IRAK3: variants seen among roughly 807,000 people sequenced by gnomAD.
IRAK3 encodes interleukin-1 receptor-associated kinase 3.
In IRAK3, 57 loss-of-function variants were observed where a neutral mutation model predicts 56.6. The observed-to-expected ratio is 1.01, with a 90% CI of 0.81 to 1.26. IRAK3 has a LOEUF of 1.26. IRAK3 is among the 50% of genes most tolerant of loss of function. The pLI is 0.00. For synonymous variants in IRAK3, 258 were observed against 255.7 expected (o/e 1.01, Z -0.09); for missense variants, 703 against 719.0 (o/e 0.98, Z 0.25).
rs1456199677 is a variant in IRAK3, at chr12:66,203,708, C to T, written c.134-3C>T. ...TTCTTTGTTTATATTGCAATTTCCA[C>T]AGCAGAGAGACTTTCAAGCAGCTGG... On this transcript the variant is annotated splice_region_variant and splice_polypyrimidine_tract_variant and intron_variant, in intron 1 of 11. Transcript: ENST00000261233. 1.2e-6 allele frequency: 2 copies of T among 1,613,616 alleles called. No homozygotes were observed. The highest frequency in any genetic ancestry group is 1.7e-5 in the Admixed American group (1 of 59,950).
Position 66,250,938 on chromosome 12 carries a change from C to T in IRAK3, c.*2767C>T, listed in dbSNP as rs1175879370. ...TGATGTGAAGCCCGCTCTTCACATC[C>T]GTGAAAATCGCTGCCTTAAGGTGCT... is the stretch of plus-strand genomic sequence containing the variant. On this transcript the variant is annotated 3_prime_UTR_variant, in exon 12 of 12. Transcript: ENST00000261233. 2.6e-5 allele frequency: 4 copies of T among 152,186 alleles called. No homozygotes were observed. Among genetic ancestry groups the T allele is most frequent in the Non-Finnish European group, 4.4e-5 (3 of 68,036 alleles). The allele number at this position is 152,186 out of a possible 1,614,324, so 9.4% of individuals were successfully genotyped here.
rs776875890 is a variant in IRAK3 at position 66,247,866 on chromosome 12, C to T, written c.1486C>T (p.Leu496=). The stretch of plus-strand genomic sequence containing the variant: ...CAATTTACTACCTTCTGATGAAGGC[C>T]TGAGGATAGACAGAATGACTCAGAA... ...NNNLLPSDEG[L]RIDRMTQKTP... The change falls in exon 12 of 12, where the codon CTG becomes TTG. Residue 496 remains leucine (L), a synonymous_variant. Transcript: ENST00000261233. 6.2e-7 allele frequency: 1 copy of T among 1,614,162 alleles called. No homozygotes were observed. The highest frequency in any genetic ancestry group is 8.5e-7 in the Non-Finnish European group (1 of 1,180,024).
intron 5 of IRAK3, among the ~76,000 whole-genome samples, chr12:66,212,293 C>T (rs993406932): frequency 3.9e-5 from 6 of 152,048 alleles, no homozygotes; most frequent in African/African-American, 1.2e-4. Flanking sequence ...TATCACAACT[C>T]AGAAGGGTGG....
chr12:66,197,435 A>T (rs984879500), intron 1 of IRAK3: 9 of 984,788 alleles, frequency 9.1e-6, no homozygotes, highest in Non-Finnish European at 9.6e-6. Context: ...GCTATTTTAT[A>T]GAATTGGATC....
intron 2 of IRAK3, 90 bp from the exon 3 acceptor site, chr12:66,209,366 A>T: frequency 1.9e-5 from 15 of 770,962 alleles, no homozygotes. Context: ...AACAATGGCT[A>T]GCAAGACATT....
intron 8 of IRAK3, among the ~76,000 whole-genome samples, chr12:66,242,213 C>G (rs910433991): frequency 2.6e-5 from 4 of 152,132 alleles, no homozygotes; most frequent in Non-Finnish European, 5.9e-5. Flanking sequence ...AGGTGGGGTC[C>G]TGGCAATGAA....
intron 5 of IRAK3, among the ~76,000 whole-genome samples, chr12:66,212,226 C>A (rs1005569579): frequency 9.2e-5 from 14 of 152,236 alleles, no homozygotes; most frequent in African/African-American, 3.1e-4. Context: ...CCTCTCCAGG[C>A]AGCCTCACAG....
chr12:66,202,921 A>T (rs1025503369), intron 1 of IRAK3, among the ~76,000 whole-genome samples: 1 of 152,146 alleles, frequency 6.6e-6, no homozygotes, highest in Non-Finnish European at 1.5e-5. Context: ...ACTGGATTTT[A>T]ACCTGTATGG....
At chr12:66,233,231 AAGAC>A (rs1381622126) in intron 8 of IRAK3, among the ~76,000 whole-genome samples, 13 of 152,322 alleles carry the variant, frequency 8.5e-5, no homozygotes, top group Non-Finnish European at 8.8e-5. Flanking sequence ...CATTGAAAGA[AAGAC>A]AGGCCGGGCG....
chr12:66,190,349 A>G (rs888598826), intron 1 of IRAK3, among the ~76,000 whole-genome samples: 1 of 151,710 alleles, frequency 6.6e-6, no homozygotes, highest in African/African-American at 2.4e-5. Flanking sequence ...AAATGTTTAT[A>G]TATTTTAAGC....
At chr12:66,219,807 T>C (rs1310469989) in intron 6 of IRAK3, among the ~76,000 whole-genome samples, 1 of 152,246 alleles carries the variant, frequency 6.6e-6, no homozygotes. Flanking sequence ...ATTAGTGATG[T>C]TAAGCATCTT....
intron 6 of IRAK3, among the ~76,000 whole-genome samples, chr12:66,221,478 T>G (rs1299352710): frequency 6.6e-6 from 1 of 152,218 alleles, no homozygotes; most frequent in Non-Finnish European, 1.5e-5. Context: ...ACTGTTAAGG[T>G]ATGATGTTAG....
intron 8 of IRAK3, among the ~76,000 whole-genome samples, chr12:66,241,451 A>G (rs552562197): frequency 6.6e-6 from 1 of 152,326 alleles, no homozygotes; most frequent in East Asian, 1.9e-4. Flanking sequence ...TTCACCCCAC[A>G]GGATTAACTT....
rs928845267 is a variant in IRAK3, at chr12:66,189,286, C to G, written c.-14C>G. The G allele has an allele frequency of 1.3e-6, 2 of 1,534,544 alleles. No homozygotes were observed. The highest frequency in any genetic ancestry group is 8.7e-7 in the Non-Finnish European group (1 of 1,146,876). The stretch of plus-strand genomic sequence containing the variant: ...TGGACTCCGCCTCGTCCCCGGGGCT[C>G]GGGCAGCCGAGCCATGGCGGGGAAC... On this transcript the variant is annotated 5_prime_UTR_variant, in exon 1 of 12. Transcript: ENST00000261233.
intron 7 of IRAK3, among the ~76,000 whole-genome samples, chr12:66,227,487 G>A (rs1377514043): frequency 6.6e-6 from 1 of 152,144 alleles, no homozygotes; most frequent in Non-Finnish European, 1.5e-5. Context: ...GCTGAGGCAG[G>A]AGAATCACTT....
chr12:66,248,591 G>A lies in IRAK3; in HGVS notation c.*420G>A, dbSNP rs991331280. On this transcript the variant is annotated 3_prime_UTR_variant, in exon 12 of 12. Transcript: ENST00000261233. ...ATCGTTTGGTTTAGCTTGCTTGCAC[G>A]GGTTGTAGGAAATGTCTAATTTGTA... The A allele has an allele frequency of 5.8e-5, 9 of 156,244 alleles. No individual in the cohort carries two copies. The highest frequency in any genetic ancestry group is 3.8e-4 in the East Asian group (2 of 5,320). 9.7% of individuals were successfully genotyped at this position (156,244 alleles called of 1,614,324 possible). A position where few individuals can be genotyped will look rare whatever the true frequency, so the allele number is the denominator to read the frequency against.
At chr12:66,203,177 C>A (rs1272418855) in intron 1 of IRAK3, among the ~76,000 whole-genome samples, 3 of 152,080 alleles carry the variant, frequency 2.0e-5, no homozygotes, top group Non-Finnish European at 2.9e-5. Flanking sequence ...AAAGTATCTT[C>A]CCCGAAATAT....
chr12:66,208,491 TG>T (rs2052579804), intron 2 of IRAK3, among the ~76,000 whole-genome samples: 1 of 152,212 alleles, frequency 6.6e-6, no homozygotes, highest in Admixed American at 6.5e-5. Flanking sequence ...CTGGGCGCTG[TG>T]GCTCATGCCT....
chr12:66,195,488 T>C (rs1254019046), intron 1 of IRAK3, among the ~76,000 whole-genome samples: 1 of 152,216 alleles, frequency 6.6e-6, no homozygotes, highest in Admixed American at 6.5e-5. Context: ...CCTGAAGTCC[T>C]GTGTGGCTTT....
Sources: allele counts gnomAD v4.1 joint callset (sites outside exome capture counted in the v4.1 genomes callset), GRCh38; gene constraint gnomAD v4.1.1; transcripts MANE v1.5; gene names NCBI Gene and HGNC (gene_info 2026-07-23, HGNC 2026-07-21).